Variants in CFAP221 observed in about 807,000 individuals in gnomAD.
CFAP221 encodes cilia and flagella associated protein 221.
A neutral mutation model predicts 113.1 loss-of-function variants in CFAP221; 97 were observed. The observed-to-expected ratio is 0.86, with a 90% CI of 0.73 to 1.02. The LOEUF (loss-of-function observed/expected upper bound fraction) is 1.02. Ranked by LOEUF, CFAP221 falls within the 50% of genes least tolerant of loss-of-function variation. The pLI is 0.00. For synonymous variants in CFAP221, 331 were observed against 354.4 expected, an observed-to-expected ratio of 0.93 and a Z score of 0.74; for missense variants, 1,025 against 1,013.4, an observed-to-expected ratio of 1.01 and a Z score of -0.16.
At position 119,639,787 on chromosome 2, in the gene CFAP221, A is replaced by T. The variant is rs61745919; in HGVS notation, c.2140A>T (p.Ile714Phe). 9 of 1,613,946 alleles carry T rather than the reference A, an allele frequency of 5.6e-6. 1 individual carries two copies. The South Asian group carries it at 9.9e-5, about 18-fold the overall frequency. The part of the protein sequence containing the change: ...QKQFLHHTDI[I>F]PGIMHWKSFQ... Reference sequence around the variant, plus strand: ...GTGCTGACTTTCCTTACAGGACATTATTCCCGGAATAATGCACTGGAAAAG... The same window carrying T: ...GTGCTGACTTTCCTTACAGGACATTTTTCCCGGAATAATGCACTGGAAAAG... Residue 714 changes from isoleucine (I) to phenylalanine (F), a missense_variant, in exon 21 of 24, where the codon ATT (isoleucine) becomes TTT (phenylalanine). Ile to Phe is a conservative substitution (Grantham distance 21). Coordinates refer to ENST00000413369, the MANE Select transcript of CFAP221 (RefSeq NM_001271049.2).
At chr2:119,571,073 C>CA (rs199913169) in intron 6 of CFAP221, among the ~76,000 whole-genome samples, 4,132 of 148,854 alleles carry the variant, frequency 0.028, 71 homozygotes, top group Non-Finnish European at 0.041. Flanking sequence ...CCATCTCCAC[C>CA]AAAAAATACA....
chr2:119,550,144 A>T (rs1680318154), intron 3 of CFAP221, among the ~76,000 whole-genome samples: 1 of 151,176 alleles, frequency 6.6e-6, no homozygotes, highest in South Asian at 2.1e-4. Flanking sequence ...GCCCTCTGAG[A>T]CTCTGCCTTT....
At chr2:119,574,787 ATAGAG>A (rs1682323351) in intron 6 of CFAP221, among the ~76,000 whole-genome samples, 1 of 152,224 alleles carries the variant, frequency 6.6e-6, no homozygotes, top group African/African-American at 2.4e-5. Context: ...AATATTTAGA[ATAGAG>A]TAACTACCAA....
intron 20 of CFAP221, among the ~76,000 whole-genome samples, 200 bp from the exon 21 acceptor site, chr2:119,639,580 TG>T (rs1678929325): frequency 6.6e-6 from 1 of 152,244 alleles, no homozygotes; most frequent in Non-Finnish European, 1.5e-5. Flanking sequence ...ACCTCGCCTT[TG>T]TCTCTAATTC....
At chr2:119,607,395 A>G (rs970789775) in intron 11 of CFAP221, among the ~76,000 whole-genome samples, 2 of 152,082 alleles carry the variant, frequency 1.3e-5, no homozygotes, top group African/African-American at 4.8e-5. Context: ...AGTCTCCTCT[A>G]ACCTAAAACA....
chr2:119,658,717 AC>A (rs1165761601), downstream of CFAP221, among the ~76,000 whole-genome samples: 9 of 152,128 alleles, frequency 5.9e-5, no homozygotes, highest in Non-Finnish European at 1.3e-4. Context: ...GTGGTGGCTC[AC>A]GCCTGTAATG....
At chr2:119,635,202 G>A (rs1179134515) in intron 19 of CFAP221, among the ~76,000 whole-genome samples, 2 of 152,158 alleles carry the variant, frequency 1.3e-5, no homozygotes, top group Non-Finnish European at 2.9e-5. Flanking sequence ...AAAAACTGCT[G>A]GTGGGAATGT....
chr2:119,582,524 C>T (rs1354687300), intron 6 of CFAP221, among the ~76,000 whole-genome samples: 7 of 150,548 alleles, frequency 4.6e-5, no homozygotes, highest in Admixed American at 2.6e-4. Flanking sequence ...GATGCGCTCT[C>T]GGCTCACTAG....
At chr2:119,591,030 C>T (rs574509929) in intron 7 of CFAP221, among the ~76,000 whole-genome samples, 1 of 152,248 alleles carries the variant, frequency 6.6e-6, no homozygotes, top group Admixed American at 6.5e-5. Flanking sequence ...TGACTGCTTA[C>T]AGAAATGAAA....
intron 6 of CFAP221, among the ~76,000 whole-genome samples, chr2:119,585,543 G>C (rs1177256003): frequency 1.3e-5 from 2 of 152,128 alleles, no homozygotes; most frequent in African/African-American, 4.8e-5. Flanking sequence ...TATACCCAAA[G>C]CAAAAGATTT....
chr2:119,639,999 AG>A, intron 21 of CFAP221, 127 bp downstream of exon 21: 1 of 749,560 alleles, frequency 1.3e-6, no homozygotes, highest in East Asian at 2.7e-5. Flanking sequence ...GAAGTTTGCT[AG>A]TCAAAGAAAT....
intron 16 of CFAP221, among the ~76,000 whole-genome samples, chr2:119,628,006 G>A (rs1686459541): frequency 6.6e-6 from 1 of 152,104 alleles, no homozygotes; most frequent in African/African-American, 2.4e-5. Flanking sequence ...CCTGGACTGG[G>A]TCCTTCCCAG....
downstream of CFAP221, among the ~76,000 whole-genome samples, chr2:119,657,061 G>A (rs1326219962): frequency 2.0e-5 from 3 of 152,142 alleles, no homozygotes; most frequent in East Asian, 3.9e-4. Context: ...GGAGCCAGGA[G>A]TTCCAGTGAA....
intron 13 of CFAP221, among the ~76,000 whole-genome samples, chr2:119,613,319 T>G (rs1196362343): frequency 6.6e-6 from 1 of 152,210 alleles, no homozygotes; most frequent in East Asian, 1.9e-4. Flanking sequence ...ACAGCTCCAG[T>G]AGGCAGTGCC....
In CFAP221 at chr2:119,630,579, C is replaced by G. The variant is rs368472782; in HGVS notation, c.1741C>G (p.Leu581Val). 68 of 1,608,684 alleles carry G rather than the reference C, an allele frequency of 4.2e-5. No homozygotes were observed. The highest frequency in any genetic ancestry group is 6.7e-5 in the African/African-American group (5 of 74,912). ...YSFFNLQVPQ[L>V]YKIKRYQPFS... ...CTTCTTTCACCTTCAGGTTCCTCAACTGTACAAAATTAAGAGATATCAGCC... is the reference window on the plus strand; with the variant it reads ...CTTCTTTCACCTTCAGGTTCCTCAAGTGTACAAAATTAAGAGATATCAGCC... The change falls in exon 18 of 24, where the codon CTG becomes GTG. Residue 581 changes from leucine to valine, a missense_variant. Leu to Val is a conservative substitution (Grantham distance 32). Coordinates refer to ENST00000413369, the MANE Select transcript of CFAP221 (RefSeq NM_001271049.2).
At chr2:119,608,817 A>T (rs2104690596) in intron 12 of CFAP221, among the ~76,000 whole-genome samples, 1 of 152,304 alleles carries the variant, frequency 6.6e-6, no homozygotes, top group African/African-American at 2.4e-5. Context: ...AATTCATCTG[A>T]TTGGAATGCT....
chr2:119,587,915 A>ATT (rs1211528642), intron 7 of CFAP221, among the ~76,000 whole-genome samples: 12 of 152,252 alleles, frequency 7.9e-5, no homozygotes. Flanking sequence ...GAAACTGTGA[A>ATT]TTAATTCTCA....
chr2:119,590,888 A>G lies in CFAP221; in HGVS notation c.631+3666A>G, dbSNP rs1474390335. Among the ~76,000 whole-genome samples, 3 of 152,210 alleles carry G rather than the reference A, an allele frequency of 2.0e-5. No individual in the cohort carries two copies. In the East Asian group the frequency reaches 5.8e-4, roughly 29 times the overall value. ...AACCCCAGCACAAACTGTGCGGGGT[A>G]CAGATCAGGATTGTCAAAGGGAGGG... On this transcript the variant is annotated intron_variant, in intron 7 of 23. Coordinates refer to ENST00000413369, the MANE Select transcript of CFAP221 (RefSeq NM_001271049.2).
intron 12 of CFAP221, among the ~76,000 whole-genome samples, chr2:119,610,798 G>C (rs943159161): frequency 8.5e-5 from 13 of 152,132 alleles, no homozygotes; most frequent in Non-Finnish European, 1.9e-4. Context: ...TAAGAGCCAA[G>C]CTGGTTTTTG....
Sources: gnomAD v4.1 joint callset for allele counts (sites outside exome capture counted in the v4.1 genomes callset) on GRCh38, gnomAD v4.1.1 for gene constraint, MANE v1.5 for transcripts, NCBI Gene and HGNC (gene_info 2026-07-23, HGNC 2026-07-21) for gene names.